Variants in CSMD1 observed in about 807,000 individuals in gnomAD.
CSMD1 encodes the protein CUB and sushi domain-containing protein 1.
Under a neutral mutation model 417.5 loss-of-function variants are expected in CSMD1, and 213 were observed. The ratio of observed to expected loss-of-function variants is 0.51; its 90% CI spans 0.46 to 0.57. CSMD1 has a LOEUF of 0.57. CSMD1 is among the 20% of genes least tolerant of loss of function. The pLI is 0.00. For missense variants in CSMD1, 6,923 were observed against 4,529.7 expected, an observed-to-expected ratio of 1.53 and a Z score of -15.17; for synonymous variants, 2,862 against 1,736.8, an observed-to-expected ratio of 1.65 and a Z score of -16.11.
intron 5 of CSMD1, among the ~76,000 whole-genome samples, chr8:3,830,383 G>A (rs934509924): frequency 7.9e-5 from 12 of 152,170 alleles, no homozygotes; most frequent in Non-Finnish European, 4.4e-5. Context: ...TCAAGGAGAC[G>A]TTACCTGGAC....
intron 10 of CSMD1, among the ~76,000 whole-genome samples, chr8:3,535,475 A>G (rs773730551): frequency 3.3e-5 from 5 of 152,162 alleles, no homozygotes; most frequent in Admixed American, 6.5e-5. Context: ...GTTCTCACTT[A>G]TAAGTGGGAG....
intron 11 of CSMD1, among the ~76,000 whole-genome samples, chr8:3,476,351 T>C (rs1355223775): frequency 6.6e-6 from 1 of 152,218 alleles, no homozygotes; most frequent in Non-Finnish European, 1.5e-5. Context: ...GTTTTTCCAA[T>C]TCCCTGTCAA....
At chr8:3,353,163 A>G (rs2117670731) in intron 21 of CSMD1, among the ~76,000 whole-genome samples, 1 of 152,338 alleles carries the variant, frequency 6.6e-6, no homozygotes, top group Non-Finnish European at 1.5e-5. Context: ...TATGACTTTA[A>G]TAACCTTGTG....
chr8:4,409,190 T>C (rs1178390394), intron 3 of CSMD1, among the ~76,000 whole-genome samples: 1 of 152,210 alleles, frequency 6.6e-6, no homozygotes, highest in Non-Finnish European at 1.5e-5. Context: ...TTTAAAAAAT[T>C]ATCTACAAAA....
At chr8:3,462,989 C>T (rs1040579806) in intron 12 of CSMD1, among the ~76,000 whole-genome samples, 2 of 152,196 alleles carry the variant, frequency 1.3e-5, no homozygotes, top group Non-Finnish European at 2.9e-5. Flanking sequence ...TTGCGCTGTC[C>T]ACCACGTGAG....
At chr8:4,969,387 T>G (rs1810097323) in intron 1 of CSMD1, among the ~76,000 whole-genome samples, 2 of 151,942 alleles carry the variant, frequency 1.3e-5, no homozygotes, top group South Asian at 2.1e-4. Context: ...GAGATGGGGA[T>G]GCTCTTGCCA....
At chr8:4,524,193 G>T (rs1410794867) in intron 2 of CSMD1, among the ~76,000 whole-genome samples, 1 of 150,346 alleles carries the variant, frequency 6.7e-6, no homozygotes, top group Non-Finnish European at 1.5e-5. Flanking sequence ...AAGCTAGGGG[G>T]AAATTAAAAT....
At position 4,185,567 on chromosome 8, in the gene CSMD1, G is replaced by T. The variant is rs926231181; in HGVS notation, c.416-153468C>A. 5.9e-5 allele frequency among the ~76,000 whole-genome samples: 9 copies of T among 152,010 alleles called. 1 individual carries two copies. The East Asian group carries it at 1.7e-3, about 29-fold the overall frequency. ...GCGCTAATTTTTTAACACACAAATG[G>T]ATCAAAAGTATCCTACCTATCTAGT... On this transcript the variant is annotated intron_variant, in intron 3 of 69. Coordinates refer to ENST00000635120, the MANE Select transcript of CSMD1 (RefSeq NM_033225.6).
intron 3 of CSMD1, among the ~76,000 whole-genome samples, chr8:4,235,328 C>T (rs1328695268): frequency 6.6e-6 from 1 of 151,052 alleles, no homozygotes; most frequent in East Asian, 1.9e-4. Flanking sequence ...TTTATATAGC[C>T]ATTCATACTC....
intron 1 of CSMD1, among the ~76,000 whole-genome samples, chr8:4,916,368 G>T (rs1156726374): frequency 1.3e-5 from 2 of 152,164 alleles, no homozygotes; most frequent in Non-Finnish European, 2.9e-5. Context: ...TTTGAAAAAA[G>T]TATTCTGGTT....
At chr8:4,155,932 C>T (rs879332939) in intron 3 of CSMD1, among the ~76,000 whole-genome samples, 1 of 152,116 alleles carries the variant, frequency 6.6e-6, no homozygotes, top group Non-Finnish European at 1.5e-5. Flanking sequence ...ATGCACAGCC[C>T]AGGTGTTCTG....
chr8:4,384,931 C>G (rs1265078728), intron 3 of CSMD1, among the ~76,000 whole-genome samples: 2 of 152,160 alleles, frequency 1.3e-5, no homozygotes, highest in Non-Finnish European at 2.9e-5. Flanking sequence ...TCAAGGTAAT[C>G]ATCTTCACAT....
At chr8:3,806,657 G>A (rs772523576) in intron 5 of CSMD1, among the ~76,000 whole-genome samples, 15 of 152,194 alleles carry the variant, frequency 9.9e-5, no homozygotes, top group African/African-American at 2.9e-4. Flanking sequence ...CAGACAATGC[G>A]TTGAGCACTT....
At chr8:3,731,757 T>C (rs984886305) in intron 6 of CSMD1, among the ~76,000 whole-genome samples, 13 of 152,140 alleles carry the variant, frequency 8.5e-5, no homozygotes, top group African/African-American at 3.1e-4. Context: ...TGATGAGCAA[T>C]ACCAATATTA....
intron 2 of CSMD1, among the ~76,000 whole-genome samples, chr8:4,584,502 GCTCT>G (rs1799603780): frequency 2.0e-5 from 3 of 151,300 alleles, no homozygotes; most frequent in South Asian, 2.1e-4. Context: ...CTGGGAAAGG[GCTCT>G]CTAACAACCC....
rs112869274 is a variant in CSMD1 at position 4,344,481 on chromosome 8, C to G, written c.415+75472G>C. Among the ~76,000 whole-genome samples, 324 of 151,872 alleles carry G rather than the reference C, an allele frequency of 2.1e-3. 2 individuals carry two copies. Among genetic ancestry groups the G allele is most frequent in the African/African-American group, 7.4e-3 (307 of 41,494 alleles). Reference sequence around the variant, plus strand: ...TTCTTTTACAAATGTCTACCTCTATCTCTCAATCTATTTTTTCATTTTCAT... The same window carrying G: ...TTCTTTTACAAATGTCTACCTCTATGTCTCAATCTATTTTTTCATTTTCAT... On this transcript the variant is annotated intron_variant, in intron 3 of 69. Coordinates refer to ENST00000635120, the MANE Select transcript of CSMD1 (RefSeq NM_033225.6).
rs79675349 is a variant in CSMD1, at chr8:4,748,277, C to G, written c.86-110719G>C. Among the ~76,000 whole-genome samples, 4 of 152,224 alleles carry G rather than the reference C, an allele frequency of 2.6e-5. No individual in the cohort carries two copies. In the South Asian group the frequency reaches 6.2e-4, roughly 24 times the overall value. ...TTACAATCTTTAGAAAGCACACAAG[C>G]AAATCATCATCCTTTCTACAAGAGA... On this transcript the variant is annotated intron_variant, in intron 1 of 69. Transcript: ENST00000635120.
intron 3 of CSMD1, among the ~76,000 whole-genome samples, chr8:4,369,658 C>G (rs904962637): frequency 6.6e-6 from 1 of 152,108 alleles, no homozygotes; most frequent in Non-Finnish European, 1.5e-5. Flanking sequence ...AAATAGTTGT[C>G]TTCTTGTTGA....
rs761072444 is a variant in CSMD1, at chr8:2,966,692, T to C, written c.8978A>G (p.Asp2993Gly). 6.2e-7 allele frequency: 1 copy of C among 1,613,806 alleles called. No homozygotes were observed. Among genetic ancestry groups the C allele is most frequent in the Non-Finnish European group, 8.5e-7 (1 of 1,179,840 alleles). Reference protein sequence around the residue: ...TPTNGMIVSSDGILFSSSVIY... With the variant: ...TPTNGMIVSSGGILFSSSVIY... Reference sequence around the variant, plus strand: ...GACCGAGCTGGAGAACAGAATGCCATCACTACTGACAATCATTCCGTTGGT... The same window carrying C: ...GACCGAGCTGGAGAACAGAATGCCACCACTACTGACAATCATTCCGTTGGT... The change falls in exon 58 of 70, where the codon GAT becomes GGT. Residue 2993 changes from aspartate to glycine, a missense_variant. Physicochemically the swap from Asp to Gly is moderately conservative, Grantham distance 94. Transcript: ENST00000635120.
Sources: allele counts gnomAD v4.1 joint callset (sites outside exome capture counted in the v4.1 genomes callset), GRCh38; gene constraint gnomAD v4.1.1; transcripts MANE v1.5; gene names NCBI Gene and HGNC (gene_info 2026-07-23, HGNC 2026-07-21).